AFG1L: variants seen among roughly 807,000 people sequenced by gnomAD.
AFG1L encodes AFG1 like ATPase.
In AFG1L, 53 loss-of-function variants were observed where a neutral mutation model predicts 62.2. The observed-to-expected ratio is 0.85, with a 90% CI of 0.68 to 1.07. AFG1L has a LOEUF of 1.07. Ranked by LOEUF, AFG1L falls within the 50% of genes least tolerant of loss-of-function variation. The pLI is 0.00. For missense variants in AFG1L, 555 were observed against 590.5 expected, an observed-to-expected ratio of 0.94 and a Z score of 0.62; for synonymous variants, 228 against 210.3, an observed-to-expected ratio of 1.08 and a Z score of -0.73.
At chr6:108,426,943 C>G (rs1770841414) in intron 7 of AFG1L, among the ~76,000 whole-genome samples, 1 of 151,920 alleles carries the variant, frequency 6.6e-6, no homozygotes, top group South Asian at 2.1e-4. Flanking sequence ...TATGTGCATA[C>G]ATATCTATAT....
chr6:108,498,316 G>T (rs1348577370), intron 10 of AFG1L, among the ~76,000 whole-genome samples: 1 of 152,194 alleles, frequency 6.6e-6, no homozygotes, highest in Non-Finnish European at 1.5e-5. Context: ...AACAATTGCA[G>T]CCATTACTAT....
chr6:108,395,096 A>T (rs916932914), intron 6 of AFG1L, among the ~76,000 whole-genome samples: 1 of 152,212 alleles, frequency 6.6e-6, no homozygotes, highest in Non-Finnish European at 1.5e-5. Context: ...CCTAAATAAA[A>T]TTTTTAAATA....
At position 108,414,241 on chromosome 6, in the gene AFG1L, A is replaced by G. The variant is rs117575357; in HGVS notation, c.807+12187A>G. ...AACCAGGAAGAAGTTGAATCCTTGT[A>G]TAGACCAATAACAGGTTCTGAAATT... On this transcript the variant is annotated intron_variant, in intron 7 of 12. Coordinates refer to ENST00000368977, the MANE Select transcript of AFG1L (RefSeq NM_145315.5). Among the ~76,000 whole-genome samples the G allele has an allele frequency of 0.012, 1,779 of 152,330 alleles. 141 individuals are homozygous for G. The East Asian group carries it at 0.19, about 17-fold the overall frequency.
At chr6:108,389,329 C>G (rs1174964432) in intron 6 of AFG1L, among the ~76,000 whole-genome samples, 8 of 152,108 alleles carry the variant, frequency 5.3e-5, no homozygotes, top group African/African-American at 1.9e-4. Flanking sequence ...GACTCTTTAT[C>G]CAATTTGCCA....
intron 8 of AFG1L, among the ~76,000 whole-genome samples, chr6:108,473,747 C>T (rs928725841): frequency 1.6e-4 from 25 of 152,054 alleles, no homozygotes; most frequent in Admixed American, 7.2e-4. Context: ...TTAGTAGAGA[C>T]GGGGTTTCAC....
At chr6:108,378,043 T>C (rs1780326465) in intron 6 of AFG1L, among the ~76,000 whole-genome samples, 1 of 151,254 alleles carries the variant, frequency 6.6e-6, no homozygotes, top group Non-Finnish European at 1.5e-5. Context: ...CTTTTTTTTT[T>C]TTTTGGTCAG....
intron 10 of AFG1L, among the ~76,000 whole-genome samples, chr6:108,491,015 A>C (rs955681661): frequency 6.6e-6 from 1 of 152,232 alleles, no homozygotes. Context: ...ATAAGCTTTA[A>C]GCAGAAATAG....
rs138297972 is a variant in AFG1L, at chr6:108,524,941, A to C, written c.*2516A>C. 1 of 152,344 alleles carries C rather than the reference A, an allele frequency of 6.6e-6. No individual in the cohort carries two copies. The highest frequency in any genetic ancestry group is 6.5e-5 in the Admixed American group (1 of 15,306). The allele number at this position is 152,344 out of a possible 1,614,324, so 9.4% of individuals were successfully genotyped here. On this transcript the variant is annotated 3_prime_UTR_variant, in exon 13 of 13. Transcript: ENST00000368977. ...CCCCTAGATTGGAGAGCAACATTTC[A>C]CTTTATATGTCTTTCTTCTGAGCCC...
At chr6:108,325,644 C>A (rs1257102838) in intron 2 of AFG1L, among the ~76,000 whole-genome samples, 1 of 152,092 alleles carries the variant, frequency 6.6e-6, no homozygotes, top group East Asian at 1.9e-4. Flanking sequence ...CACCACCACA[C>A]CTAGCTAATT....
chr6:108,348,526 A>G (rs1778956770), intron 3 of AFG1L, among the ~76,000 whole-genome samples: 1 of 152,232 alleles, frequency 6.6e-6, no homozygotes, highest in Non-Finnish European at 1.5e-5. Context: ...AATTTAGTTC[A>G]CAAAAGTGAA....
chr6:108,431,461 G>A (rs1459207333), intron 7 of AFG1L, among the ~76,000 whole-genome samples: 2 of 152,168 alleles, frequency 1.3e-5, no homozygotes, highest in Middle Eastern at 6.8e-3. Flanking sequence ...TTTTACAAGA[G>A]TCTGAATAAT....
intron 10 of AFG1L, among the ~76,000 whole-genome samples, chr6:108,502,480 C>T (rs1385437161): frequency 6.6e-6 from 1 of 151,958 alleles, no homozygotes; most frequent in Non-Finnish European, 1.5e-5. Flanking sequence ...GCTGAGATTA[C>T]AGGCATGAGC....
intron 10 of AFG1L, among the ~76,000 whole-genome samples, chr6:108,494,420 A>T (rs1225927834): frequency 6.7e-6 from 1 of 149,324 alleles, no homozygotes; most frequent in Non-Finnish European, 1.5e-5. Flanking sequence ...TTGTTTCTAC[A>T]AGCAAAATAT....
In AFG1L at chr6:108,420,375, A is replaced by G. The variant is rs1197906819; in HGVS notation, c.807+18321A>G. Among the ~76,000 whole-genome samples the G allele has an allele frequency of 2.7e-5, 4 of 148,864 alleles. No individual in the cohort carries two copies. In the South Asian group the frequency reaches 6.3e-4, roughly 23 times the overall value. ...CAAGATATTTTATTAAATTTATTTA[A>G]TTTATTAAATTAAATAAAAATATAT... On this transcript the variant is annotated intron_variant, in intron 7 of 12. Transcript: ENST00000368977.
chr6:108,416,192 G>T (rs1296072020), intron 7 of AFG1L, among the ~76,000 whole-genome samples: 2 of 152,148 alleles, frequency 1.3e-5, no homozygotes, highest in Non-Finnish European at 2.9e-5. Flanking sequence ...CATTGGCCAC[G>T]AGAGAAATGC....
At chr6:108,467,455 C>G (rs1772720949) in intron 8 of AFG1L, among the ~76,000 whole-genome samples, 1 of 152,048 alleles carries the variant, frequency 6.6e-6, no homozygotes, top group Non-Finnish European at 1.5e-5. Context: ...GCCATATTAG[C>G]TAGGCTGGTC....
At chr6:108,304,603 A>C (rs1777135956) in intron 1 of AFG1L, among the ~76,000 whole-genome samples, 2 of 152,268 alleles carry the variant, frequency 1.3e-5, no homozygotes, top group Non-Finnish European at 2.9e-5. Flanking sequence ...TGAAGTTTAC[A>C]GCTGAAATTT....
At chr6:108,485,654 ATATTTTTTTTTTTTT>A (rs1336817375) in intron 10 of AFG1L, among the ~76,000 whole-genome samples, 1 of 23,054 alleles carries the variant, frequency 4.3e-5, no homozygotes, top group East Asian at 1.1e-3. Context: ...ATATATATAT[ATATTTTTTTTTTTTT>A]TTTTTTTTTT....
At chr6:108,513,236 C>CA (rs533275933) in intron 11 of AFG1L, among the ~76,000 whole-genome samples, 30 of 152,328 alleles carry the variant, frequency 2.0e-4, no homozygotes, top group Admixed American at 1.2e-3. Flanking sequence ...GTACTGGGTT[C>CA]ATCTCACTGG....
Sources: allele counts gnomAD v4.1 joint callset (sites outside exome capture counted in the v4.1 genomes callset), GRCh38; gene constraint gnomAD v4.1.1; transcripts MANE v1.5; gene names NCBI Gene and HGNC (gene_info 2026-07-23, HGNC 2026-07-21).